MAP6D1: variants seen among roughly 807,000 people sequenced by gnomAD.
The protein encoded by MAP6D1 is MAP6 domain containing 1.
Under a neutral mutation model 17.4 loss-of-function variants are expected in MAP6D1, and 13 were observed. The observed-to-expected ratio is 0.75, with a 90% CI of 0.49 to 1.19. The LOEUF is 1.19. MAP6D1 is among the 50% of genes most tolerant of loss of function. The probability of loss-of-function intolerance (pLI) is 0.00; values close to 1 mark genes in which losing one functional copy is unlikely to be tolerated. For synonymous variants in MAP6D1, 141 were observed against 145.7 expected (o/e 0.97, Z 0.23); for missense variants, 313 against 312.6 (o/e 1.00, Z -0.01).
In MAP6D1 at chr3:183,822,459, AC is replaced by A. The variant is rs532644431; in HGVS notation, c.401+2687del. 5.0e-3 allele frequency among the ~76,000 whole-genome samples: 754 copies of A among 151,828 alleles called. 3 individuals are homozygous for A. The highest frequency in any genetic ancestry group is 8.5e-3 in the Non-Finnish European group (577 of 67,952). ...CAACAAAACAAACAACAACAAAAAA[AC>A]CCCCCAAAAACCCAACTGTATCAAG... On this transcript the variant is annotated intron_variant, in intron 1 of 2. Transcript: ENST00000318631.
At chr3:183,821,614 C>T (rs1238513553) in intron 1 of MAP6D1, among the ~76,000 whole-genome samples, 5 of 138,766 alleles carry the variant, frequency 3.6e-5, no homozygotes, top group Non-Finnish European at 7.5e-5. Context: ...GGCTCTATCT[C>T]GGCTCACTGC....
At chr3:183,822,710 C>T (rs1451153109) in intron 1 of MAP6D1, among the ~76,000 whole-genome samples, 1 of 152,192 alleles carries the variant, frequency 6.6e-6, no homozygotes, top group South Asian at 2.1e-4. Context: ...AGCTGAGCCG[C>T]CAAAGCTGGA....
chr3:183,821,753 G>A (rs750688057), intron 1 of MAP6D1, among the ~76,000 whole-genome samples: 6 of 151,908 alleles, frequency 3.9e-5, no homozygotes, highest in Non-Finnish European at 7.4e-5. Context: ...GGCCAGGCTG[G>A]TCTCGAACTT....
intron 1 of MAP6D1, among the ~76,000 whole-genome samples, chr3:183,820,779 C>T (rs189665493): frequency 4.0e-4 from 61 of 151,324 alleles, no homozygotes; most frequent in African/African-American, 7.5e-4. Context: ...TGGTGGCGGG[C>T]GCCTGTAGTC....
At position 183,817,107 on chromosome 3, in the gene MAP6D1, A is replaced by C; in HGVS notation, c.*249T>G. Reference sequence around the variant, plus strand: ...GATTTCAAAACTGAGAGACGGCCAGATGGCAGTTAACGAACGCAGGAGCCT... The same window carrying C: ...GATTTCAAAACTGAGAGACGGCCAGCTGGCAGTTAACGAACGCAGGAGCCT... On this transcript the variant is annotated 3_prime_UTR_variant, in exon 3 of 3. Coordinates refer to ENST00000318631, the MANE Select transcript of MAP6D1 (RefSeq NM_024871.4). The C allele has an allele frequency of 2.0e-6, 1 of 496,310 alleles. No homozygotes were observed. The highest frequency in any genetic ancestry group is 3.7e-6 in the Non-Finnish European group (1 of 273,462). The allele number at this position is 496,310 out of a possible 1,614,324, so 30.7% of individuals were successfully genotyped here. A position where few individuals can be genotyped will look rare whatever the true frequency, so the allele number is the denominator to read the frequency against.
At chr3:183,825,115 G>C in intron 1 of MAP6D1, 32 bp downstream of exon 1, 3 of 1,362,952 alleles carry the variant, frequency 2.2e-6, no homozygotes, top group Non-Finnish European at 2.8e-6. Context: ...CCACAGGGTG[G>C]GGACTCGTTG....
intron 1 of MAP6D1, 110 bp downstream of exon 1, chr3:183,825,037 C>T (rs983927681): frequency 3.5e-6 from 4 of 1,158,820 alleles, no homozygotes; most frequent in African/African-American, 1.6e-5. Flanking sequence ...GCGTGGGATC[C>T]GGGCTCCAGG....
chr3:183,821,612 C>T (rs531019384), intron 1 of MAP6D1, among the ~76,000 whole-genome samples: 1 of 129,182 alleles, frequency 7.7e-6, no homozygotes, highest in South Asian at 2.4e-4. Context: ...GTGGCTCTAT[C>T]TCGGCTCACT....
chr3:183,820,906 CAAAT>C (rs1042399148), intron 1 of MAP6D1, among the ~76,000 whole-genome samples: 2 of 147,226 alleles, frequency 1.4e-5, no homozygotes, highest in Non-Finnish European at 1.5e-5. Context: ...GACTCCATCT[CAAAT>C]AAATAAATAA....
chr3:183,821,459 G>GC (rs1281523024), intron 1 of MAP6D1, among the ~76,000 whole-genome samples: 1 of 151,768 alleles, frequency 6.6e-6, no homozygotes, highest in Non-Finnish European at 1.5e-5. Flanking sequence ...GAAGGCGACA[G>GC]CTAGTACCTT....
chr3:183,823,057 CAAACA>C (rs1727295749), intron 1 of MAP6D1, among the ~76,000 whole-genome samples: 1 of 152,220 alleles, frequency 6.6e-6, no homozygotes, highest in African/African-American at 2.4e-5. Context: ...TGCAGTGGCA[CAAACA>C]CTGCTCACTG....
chr3:183,818,136 G>A lies in MAP6D1; in HGVS notation c.402-25C>T, dbSNP rs112910783. Reference sequence around the variant, plus strand: ...TCTGGAACAGAGAACACGGTCACAAGCTTGCACAGGGTCAGCCACCCCTTT... The same window carrying A: ...TCTGGAACAGAGAACACGGTCACAAACTTGCACAGGGTCAGCCACCCCTTT... On this transcript the variant is annotated intron_variant, in intron 1 of 2. Transcript: ENST00000318631. 2,362 of 1,598,356 alleles carry A rather than the reference G, an allele frequency of 1.5e-3. 16 individuals are homozygous for A. In the African/African-American group the frequency reaches 0.021, roughly 14 times the overall value.
At position 183,825,567 on chromosome 3, in the gene MAP6D1, G is replaced by T; in HGVS notation, c.-20C>A. On this transcript the variant is annotated 5_prime_UTR_variant, in exon 1 of 3. Transcript: ENST00000318631. ...CGCCATGCCAGCCCCGGCGCCCGCC[G>T]CCCCGCTCCCGGCGCGCGGCGCTCC... The T allele has an allele frequency of 8.4e-7, 1 of 1,193,978 alleles. No individual in the cohort carries two copies. Among genetic ancestry groups the T allele is most frequent in the Non-Finnish European group, 1.0e-6 (1 of 965,390 alleles). The allele number at this position is 1,193,978 out of a possible 1,614,324, so 74.0% of individuals were successfully genotyped here. A position where few individuals can be genotyped will look rare whatever the true frequency, so the allele number is the denominator to read the frequency against.
intron 2 of MAP6D1, 43 bp downstream of exon 2, chr3:183,817,951 G>A (rs1325945742): frequency 6.9e-7 from 1 of 1,455,624 alleles, no homozygotes; most frequent in Non-Finnish European, 9.6e-7. Flanking sequence ...CGGGGAAAGA[G>A]GCCTCTATAC....
intron 1 of MAP6D1, 89 bp from the exon 2 acceptor site, chr3:183,818,200 GC>G: frequency 9.3e-7 from 1 of 1,075,970 alleles, no homozygotes; most frequent in Non-Finnish European, 1.4e-6. Flanking sequence ...CCCATGCACG[GC>G]CCTGCCAATT....
At chr3:183,818,210 T>C (rs112959824) in intron 1 of MAP6D1, 99 bp from the exon 2 acceptor site, 38 of 966,924 alleles carry the variant, frequency 3.9e-5, no homozygotes, top group African/African-American at 2.9e-4. Context: ...GCCCTGCCAA[T>C]TGCTGAAACC....
At position 183,825,507 on chromosome 3, in the gene MAP6D1, CGCGCCAGGCA is replaced by C; in HGVS notation, c.31_40del (p.Cys11GlyfsTer116). 1 of 1,394,758 alleles carries C rather than the reference CGCGCCAGGCA, an allele frequency of 7.2e-7. No homozygotes were observed. The highest frequency in any genetic ancestry group is 9.3e-7 in the Non-Finnish European group (1 of 1,074,102). 86.4% of individuals were successfully genotyped at this position (1,394,758 alleles called of 1,614,324 possible). The stretch of plus-strand genomic sequence containing the variant: ...GGAGCGGTCCAGCTGGTTCCAGCGC[CGCGCCAGGCA>C]GCACAGGCGGCTGATACAGGGCCAC... On this transcript the variant is annotated frameshift_variant, in exon 1 of 3. Coordinates refer to ENST00000318631, the MANE Select transcript of MAP6D1 (RefSeq NM_024871.4). LOFTEE classifies it high-confidence loss of function.
chr3:183,821,956 C>T (rs918986443), intron 1 of MAP6D1, among the ~76,000 whole-genome samples: 2 of 152,004 alleles, frequency 1.3e-5, no homozygotes, highest in Non-Finnish European at 2.9e-5. Context: ...CCACTGCGAC[C>T]GGCCTCTTTT....
At chr3:183,819,599 G>A (rs556071467) in intron 1 of MAP6D1, among the ~76,000 whole-genome samples, 1 of 152,350 alleles carries the variant, frequency 6.6e-6, no homozygotes, top group Admixed American at 6.5e-5. Context: ...TGCCTGGAGA[G>A]AAAGAAAACA....
Sources: allele counts gnomAD v4.1 joint callset (sites outside exome capture counted in the v4.1 genomes callset), GRCh38; gene constraint gnomAD v4.1.1; transcripts MANE v1.5; gene names NCBI Gene and HGNC (gene_info 2026-07-23, HGNC 2026-07-21).